PALM2AKAP2: variants seen among roughly 807,000 people sequenced by gnomAD.
PALM2AKAP2 encodes the protein PALM2-AKAP2 fusion protein.
PALM2AKAP2 carries 37 observed loss-of-function variants against 71.5 expected under a neutral mutation model. That is an observed-to-expected ratio of 0.52 (90% confidence interval 0.40 to 0.68). PALM2AKAP2 has a LOEUF of 0.68. Ranked by LOEUF, PALM2AKAP2 falls within the 30% of genes least tolerant of loss-of-function variation. The pLI is 0.00. For missense variants in PALM2AKAP2, 1,224 were observed against 1,191.8 expected (o/e 1.03, Z -0.40); for synonymous variants, 468 against 478.8 (o/e 0.98, Z 0.29).
At chr9:109,655,141 A>G (rs1170009522) in intron 1 of PALM2AKAP2, among the ~76,000 whole-genome samples, 1 of 151,934 alleles carries the variant, frequency 6.6e-6, no homozygotes, top group African/African-American at 2.4e-5. Context: ...TAAAAGTACA[A>G]AAAAATTAGC....
intron 1 of PALM2AKAP2, chr9:110,090,291 C>G (rs7861341): frequency 6.6e-5 from 30 of 453,552 alleles, no homozygotes; most frequent in African/African-American, 5.6e-4. Context: ...GTCCTTACAT[C>G]GGATGTCCTA....
At chr9:109,867,435 A>T in intron 1 of PALM2AKAP2, 56 bp from the exon 2 acceptor site, 2 of 1,597,728 alleles carry the variant, frequency 1.3e-6, no homozygotes, top group Non-Finnish European at 1.7e-6. Flanking sequence ...TCTGCCTTAA[A>T]ATTTCTGGAG....
intron 5 of PALM2AKAP2, among the ~76,000 whole-genome samples, chr9:109,926,970 A>C (rs945841650): frequency 6.6e-6 from 1 of 152,192 alleles, no homozygotes; most frequent in African/African-American, 2.4e-5. Context: ...TAAGAAGCCT[A>C]GTCATAACTG....
chr9:109,778,027 A>C (rs1296612955), upstream of PALM2AKAP2, among the ~76,000 whole-genome samples: 1 of 151,842 alleles, frequency 6.6e-6, no homozygotes, highest in African/African-American at 2.4e-5. Flanking sequence ...CCATTCCATC[A>C]CTCCTTTTAA....
intron 1 of PALM2AKAP2, among the ~76,000 whole-genome samples, chr9:109,780,738 A>G (rs568441524): frequency 6.2e-4 from 95 of 152,168 alleles, no homozygotes; most frequent in African/African-American, 2.1e-3. Flanking sequence ...TGGACTGAGG[A>G]TTTGAATGTG....
intron 3 of PALM2AKAP2, among the ~76,000 whole-genome samples, chr9:109,881,884 T>C (rs1318127443): frequency 1.3e-5 from 1 of 76,656 alleles, no homozygotes; most frequent in Non-Finnish European, 2.3e-5. Flanking sequence ...CTCTTTTTTT[T>C]TTTTTTTTTT....
chr9:110,100,324 G>A (rs954164552), intron 1 of PALM2AKAP2, among the ~76,000 whole-genome samples: 1 of 152,042 alleles, frequency 6.6e-6, no homozygotes, highest in Non-Finnish European at 1.5e-5. Flanking sequence ...CTTCTAGAAG[G>A]AAGCTGATAT....
intron 6 of PALM2AKAP2, among the ~76,000 whole-genome samples, chr9:109,937,023 T>G (rs1831234953): frequency 6.6e-6 from 1 of 152,260 alleles, no homozygotes; most frequent in Non-Finnish European, 1.5e-5. Context: ...TCCATTGCTC[T>G]TCCCGCCTTG....
chr9:110,138,038 CAG>C lies in PALM2AKAP2; in HGVS notation c.2069_2070del (p.Gln690ArgfsTer3). 1 of 1,613,662 alleles carries C rather than the reference CAG, an allele frequency of 6.2e-7. No individual in the cohort carries two copies. Among genetic ancestry groups the C allele is most frequent in the Non-Finnish European group, 8.5e-7 (1 of 1,179,840 alleles). On this transcript the variant is annotated frameshift_variant, in exon 2 of 4. Coordinates refer to ENST00000374525, the Ensembl canonical transcript of PALM2AKAP2. LOFTEE classifies it high-confidence loss of function. ...AACCAGCAGGGATGGAGCAGAGCAA[CAG>C]GGACCTGAAGCGACTGTAGAGGAAG...
At chr9:109,820,325 A>C (rs1171647924) in intron 1 of PALM2AKAP2, among the ~76,000 whole-genome samples, 1 of 152,180 alleles carries the variant, frequency 6.6e-6, no homozygotes, top group Non-Finnish European at 1.5e-5. Context: ...ACATTCTCAA[A>C]AGAGAATTGG....
chr9:110,137,022 A>C, exon 2 of PALM2AKAP2: 1 of 1,614,176 alleles, frequency 6.2e-7, no homozygotes. Context: ...CTGGAGTCGC[A>C]CAAAAAGTAC....
At chr9:110,083,410 G>C (rs1834492153) in intron 1 of PALM2AKAP2, among the ~76,000 whole-genome samples, 1 of 152,158 alleles carries the variant, frequency 6.6e-6, no homozygotes, top group Non-Finnish European at 1.5e-5. Context: ...ACAGGGGTGT[G>C]TGTGGCTAAA....
At chr9:110,105,073 C>T (rs1835084169) in intron 1 of PALM2AKAP2, among the ~76,000 whole-genome samples, 1 of 152,142 alleles carries the variant, frequency 6.6e-6, no homozygotes, top group African/African-American at 2.4e-5. Flanking sequence ...ACAAAGTTGG[C>T]CAGAGGACGA....
intron 1 of PALM2AKAP2, among the ~76,000 whole-genome samples, chr9:109,704,011 A>G (rs118097101): frequency 0.042 from 6,419 of 152,232 alleles, 179 homozygotes; most frequent in Non-Finnish European, 0.053. Flanking sequence ...CTCCTTGGCC[A>G]GGTTCTTGTA....
chr9:109,968,994 G>A (rs1485933870), intron 6 of PALM2AKAP2, among the ~76,000 whole-genome samples: 1 of 151,940 alleles, frequency 6.6e-6, no homozygotes, highest in Non-Finnish European at 1.5e-5. Context: ...GAAAAAAACT[G>A]ACTAGAAAGC....
rs566617462 is a variant in PALM2AKAP2 at position 109,681,263 on chromosome 9, C to T, written c.5+40397C>T. Among the ~76,000 whole-genome samples the T allele has an allele frequency of 9.2e-5, 14 of 152,284 alleles. No homozygotes were observed. The East Asian group carries it at 2.3e-3, about 25-fold the overall frequency. ...ATCATTTGTACAGCTTTTTAACATC[C>T]TGTTAGATAGGAAAGAGAGAGCTCT... On this transcript the variant is annotated intron_variant, in intron 1 of 6. Coordinates refer to the PALM2AKAP2 transcript ENST00000374531.
intron 6 of PALM2AKAP2, among the ~76,000 whole-genome samples, chr9:109,971,815 A>T (rs1241708135): frequency 6.6e-6 from 1 of 152,150 alleles, no homozygotes; most frequent in Non-Finnish European, 1.5e-5. Flanking sequence ...GTTTCTAGGC[A>T]TGTGACCCAC....
chr9:109,929,102 G>A (rs1379593805), intron 5 of PALM2AKAP2, among the ~76,000 whole-genome samples: 1 of 152,058 alleles, frequency 6.6e-6, no homozygotes, highest in Non-Finnish European at 1.5e-5. Flanking sequence ...ATCTCCTGGA[G>A]GAGGCTGAGA....
At chr9:109,988,050 G>A (rs1335643482) in intron 6 of PALM2AKAP2, among the ~76,000 whole-genome samples, 2 of 152,186 alleles carry the variant, frequency 1.3e-5, no homozygotes, top group African/African-American at 4.8e-5. Flanking sequence ...TACAGAGTAA[G>A]GGTGCTTTCT....
Sources: gnomAD v4.1 joint callset for allele counts (sites outside exome capture counted in the v4.1 genomes callset) on GRCh38, gnomAD v4.1.1 for gene constraint, MANE v1.5 for transcripts, NCBI Gene and HGNC (gene_info 2026-07-23, HGNC 2026-07-21) for gene names.